CYREN: variants seen among roughly 807,000 people sequenced by gnomAD.
CYREN encodes cell cycle regulator of NHEJ, also known as cell cycle regulator of non-homologous end joining.
CYREN carries 7 observed loss-of-function variants against 9.7 expected under a neutral mutation model. That is an observed-to-expected ratio of 0.72 (90% confidence interval 0.41 to 1.36). CYREN has a LOEUF of 1.36. Among genes scored for constraint, CYREN ranks in the 40% most tolerant of loss-of-function variants. CYREN has a pLI of 0.01. For missense variants in CYREN, 215 were observed against 198.1 expected, an observed-to-expected ratio of 1.09 and a Z score of -0.51; for synonymous variants, 76 against 77.9, an observed-to-expected ratio of 0.98 and a Z score of 0.13.
intron 2 of CYREN, among the ~76,000 whole-genome samples, chr7:135,112,363 G>A (rs993055613): frequency 6.6e-6 from 1 of 152,156 alleles, no homozygotes; most frequent in African/African-American, 2.4e-5. Flanking sequence ...GCATCTGTCA[G>A]TCATGAATTA....
intron 2 of CYREN, chr7:135,094,661 G>GC: frequency 2.6e-6 from 1 of 378,286 alleles, no homozygotes. Flanking sequence ...CTCTCTTAGG[G>GC]TGTTAACTCT....
chr7:135,100,621 G>A (rs907686198), intron 2 of CYREN, among the ~76,000 whole-genome samples: 2 of 152,290 alleles, frequency 1.3e-5, no homozygotes, highest in Admixed American at 6.5e-5. Context: ...TCTTGCCCCA[G>A]AAATATAGAA....
intron 2 of CYREN, among the ~76,000 whole-genome samples, chr7:135,113,666 G>T (rs1825939261): frequency 6.6e-6 from 1 of 152,176 alleles, no homozygotes; most frequent in Admixed American, 6.5e-5. Context: ...TCTAAATTGT[G>T]ATAAAATACA....
chr7:135,162,621 A>G (rs1829973381), downstream of CYREN, among the ~76,000 whole-genome samples: 1 of 152,212 alleles, frequency 6.6e-6, no homozygotes, highest in Admixed American at 6.5e-5. Context: ...ACCATCAGAT[A>G]TCATGAGACT....
chr7:135,161,280 C>T (rs1456782659), downstream of CYREN, among the ~76,000 whole-genome samples: 4 of 152,304 alleles, frequency 2.6e-5, no homozygotes, highest in South Asian at 2.1e-4. This position sits in a 1 kb window ranked among gnomAD's most constrained non-coding sequence, Gnocchi z 4.1. Flanking sequence ...GCAATCTCCC[C>T]GAGGAGCCAC....
chr7:135,141,407 T>C (rs1359770487), intron 2 of CYREN, among the ~76,000 whole-genome samples: 1 of 152,156 alleles, frequency 6.6e-6, no homozygotes, highest in African/African-American at 2.4e-5. Flanking sequence ...TAATGTCCCC[T>C]TTGTTATTTC....
At chr7:135,096,383 G>A (rs1352906372) in intron 2 of CYREN, among the ~76,000 whole-genome samples, 1 of 143,618 alleles carries the variant, frequency 7.0e-6, no homozygotes, top group Non-Finnish European at 1.5e-5. Flanking sequence ...GACAGACAGA[G>A]AAGGAAGGAA....
chr7:135,125,759 T>G (rs1827790683), intron 2 of CYREN, among the ~76,000 whole-genome samples: 1 of 152,164 alleles, frequency 6.6e-6, no homozygotes, highest in Non-Finnish European at 1.5e-5. Flanking sequence ...TCAATAAACA[T>G]AATCCATCAC....
chr7:135,166,915 T>C (rs374294893), intron 3 of CYREN, 44 bp from the exon 4 acceptor site: 22 of 1,593,114 alleles, frequency 1.4e-5, no homozygotes, highest in Middle Eastern at 1.9e-4. Context: ...CGTGTTTTAT[T>C]TCCCTAACAT....
intron 2 of CYREN, among the ~76,000 whole-genome samples, chr7:135,097,478 A>G (rs1009040651): frequency 6.6e-6 from 1 of 152,174 alleles, no homozygotes; most frequent in African/African-American, 2.4e-5. Flanking sequence ...AAAACTAACT[A>G]GACTTTGCTC....
At chr7:135,121,439 C>T (rs1476783924) in intron 2 of CYREN, among the ~76,000 whole-genome samples, 8 of 151,570 alleles carry the variant, frequency 5.3e-5, no homozygotes, top group Non-Finnish European at 1.0e-4. Flanking sequence ...CAAGATAGAA[C>T]ATATCCTAGC....
rs748201322 is a variant in CYREN at position 135,167,798 on chromosome 7, C to T, written c.147G>A (p.Ala49=). 2 of 1,614,180 alleles carry T rather than the reference C, an allele frequency of 1.2e-6. No individual in the cohort carries two copies. Among genetic ancestry groups the T allele is most frequent in the Middle Eastern group, 1.7e-4 (1 of 6,058 alleles). Residue 49 remains alanine, a synonymous_variant, in exon 3 of 4, where the codon GCG becomes GCA. Coordinates refer to ENST00000393114, the MANE Select transcript of CYREN (RefSeq NM_024033.4). ...CATTCATGCAGTACACAGTCCTTGT[C>T]GCAGGGAGTCTGAAAAAAAGACATG... is the stretch of plus-strand genomic sequence containing the variant. ...AVPVAAARLP[A]TRTVYCMNEA...
chr7:135,128,591 G>C, intron 2 of CYREN: 1 of 771,200 alleles, frequency 1.3e-6, no homozygotes, highest in Non-Finnish European at 2.4e-6. Flanking sequence ...GTTTGTGAGC[G>C]CTATCTGCTC....
At chr7:135,120,921 T>C (rs1827047736) in intron 2 of CYREN, among the ~76,000 whole-genome samples, 1 of 152,152 alleles carries the variant, frequency 6.6e-6, no homozygotes, top group South Asian at 2.1e-4. Flanking sequence ...ATCACAGAAC[T>C]GGCTGGGTGC....
intron 2 of CYREN, among the ~76,000 whole-genome samples, chr7:135,117,827 G>A (rs1826544938): frequency 1.3e-5 from 2 of 152,174 alleles, no homozygotes; most frequent in Non-Finnish European, 2.9e-5. Flanking sequence ...ATCCACAAGG[G>A]TAGCACTTCC....
intron 2 of CYREN, among the ~76,000 whole-genome samples, chr7:135,149,644 T>C (rs1162558675): frequency 1.3e-5 from 2 of 152,248 alleles, no homozygotes; most frequent in East Asian, 1.9e-4. Context: ...TCCACCATCA[T>C]TGTGTGAGAA....
chr7:135,139,697 A>T (rs1829417922), intron 2 of CYREN, among the ~76,000 whole-genome samples: 1 of 151,816 alleles, frequency 6.6e-6, no homozygotes, highest in Non-Finnish European at 1.5e-5. Context: ...TGCTTTTTAT[A>T]GTTTTAGGTT....
At chr7:135,129,138 T>A in intron 2 of CYREN, 1 of 1,509,826 alleles carries the variant, frequency 6.6e-7, no homozygotes, top group East Asian at 2.3e-5. Flanking sequence ...ATTTGCCTAT[T>A]ATGACTGCCT....
At chr7:135,106,020 T>C (rs1824657483) in intron 2 of CYREN, among the ~76,000 whole-genome samples, 1 of 152,210 alleles carries the variant, frequency 6.6e-6, no homozygotes, top group Admixed American at 6.5e-5. Flanking sequence ...ATTGTGTTCC[T>C]GATTTGGCTC....
Sources: gnomAD v4.1 joint callset for allele counts (sites outside exome capture counted in the v4.1 genomes callset) on GRCh38, gnomAD v4.1.1 for gene constraint, Gnocchi (gnomAD v3.1) non-coding constraint, MANE v1.5 for transcripts, NCBI Gene and HGNC (gene_info 2026-07-23, HGNC 2026-07-21) for gene names.